KRT18: variants seen among roughly 807,000 people sequenced by gnomAD.
KRT18 encodes keratin 18.
Under a neutral mutation model 39.9 loss-of-function variants are expected in KRT18, and 8 were observed. The observed-to-expected ratio is 0.20, with a 90% CI of 0.12 to 0.36. The LOEUF (loss-of-function observed/expected upper bound fraction) is 0.36, where lower values mean the gene tolerates loss of function less well. Among genes scored for constraint, KRT18 ranks in the 10% least tolerant of loss-of-function variants. The pLI, the probability that KRT18 is intolerant of heterozygous loss-of-function variation, is 1.00. For synonymous variants in KRT18, 194 were observed against 227.8 expected (o/e 0.85, Z 1.33); for missense variants, 396 against 565.7 (o/e 0.70, Z 3.04).
rs199517515 is a variant in KRT18 at position 52,949,142 on chromosome 12, T to G, written c.-32T>G. ...GGCCGCCACCGTCGTCCGCAAAGCCTGAGTCCTGTCCTTTCTCTCTCCCCG... is the reference window on the plus strand; with the variant it reads ...GGCCGCCACCGTCGTCCGCAAAGCCGGAGTCCTGTCCTTTCTCTCTCCCCG... On this transcript the variant is annotated 5_prime_UTR_variant, in exon 1 of 7. Transcript: ENST00000388835. The G allele has an allele frequency of 6.2e-7, 1 of 1,600,748 alleles. No homozygotes were observed. Among genetic ancestry groups the G allele is most frequent in the Non-Finnish European group, 8.5e-7 (1 of 1,170,124 alleles).
In KRT18 at chr12:52,951,756, CCA is replaced by C. The variant is rs1197109911; in HGVS notation, c.853_854del (p.Gln285ValfsTer3). ...ATTGAGGAGAGCACCACAGTGGTCACCACACAGTCTGCTGAGGTTGGAGCTGC... is the reference window on the plus strand; with the variant it reads ...ATTGAGGAGAGCACCACAGTGGTCACCACAGTCTGCTGAGGTTGGAGCTGC... On this transcript the variant is annotated frameshift_variant, in exon 5 of 7. Coordinates refer to ENST00000388835, the MANE Select transcript of KRT18 (RefSeq NM_000224.3). LOFTEE classifies it high-confidence loss of function. 1.2e-6 allele frequency: 2 copies of C among 1,613,262 alleles called. No homozygotes were observed. The highest frequency in any genetic ancestry group is 1.3e-5 in the African/African-American group (1 of 74,894).
chr12:52,951,975 T>C (rs558903353), intron 5 of KRT18, 119 bp downstream of exon 5: 2 of 1,418,188 alleles, frequency 1.4e-6, no homozygotes, highest in Non-Finnish European at 2.0e-6. Context: ...AAGAGTCAGT[T>C]TCCTCTTTGC....
In KRT18 at chr12:52,952,339, TTAAG is replaced by T. The variant is rs1942506561; in HGVS notation, c.1171_1172+2del. 1 of 1,588,690 alleles carries T rather than the reference TTAAG, an allele frequency of 6.3e-7. No individual in the cohort carries two copies. The highest frequency in any genetic ancestry group is 8.6e-7 in the Non-Finnish European group (1 of 1,164,580). The stretch of plus-strand genomic sequence containing the variant: ...CGCCTGCTGGAAGATGGCGAGGACT[TTAAG>T]TGAGTGGGGCTCTCCTACCCACACG... On this transcript the variant is annotated splice_donor_variant and coding_sequence_variant, in exon 6 of 7. Transcript: ENST00000388835. LOFTEE classifies it high-confidence loss of function.
intron 1 of KRT18, 88 bp from the exon 2 acceptor site, chr12:52,950,240 A>G: frequency 1.0e-6 from 1 of 955,560 alleles, no homozygotes; most frequent in Non-Finnish European, 1.7e-6. Flanking sequence ...GGAAGTTTTC[A>G]CTAGGATACA....
rs553275094 is a variant in KRT18 at position 52,950,382 on chromosome 12, C to T, written c.472C>T (p.Arg158Cys). The part of the protein sequence containing the change: ...ARIVLQIDNA[R>C]LAADDFRVKY... ...CATCGTTCTGCAGATTGACAATGCC[C>T]GTCTTGCTGCTGATGACTTTAGAGT... is the stretch of plus-strand genomic sequence containing the variant. The change falls in exon 2 of 7, where the codon CGT becomes TGT. Residue 158 changes from arginine to cysteine, a missense_variant. Coordinates refer to ENST00000388835, the MANE Select transcript of KRT18 (RefSeq NM_000224.3). The T allele has an allele frequency of 5.0e-6, 8 of 1,613,000 alleles. No individual in the cohort carries two copies. The highest frequency in any genetic ancestry group is 4.5e-5 in the East Asian group (2 of 44,878).
intron 5 of KRT18, 46 bp from the exon 6 acceptor site, chr12:52,952,073 C>T (rs1942499877): frequency 6.8e-7 from 1 of 1,463,924 alleles, no homozygotes; most frequent in Non-Finnish European, 9.4e-7. Flanking sequence ...ATGAGCAGTC[C>T]TGGGACTCTG....
intron 1 of KRT18, chr12:52,949,993 G>A (rs1456536711): frequency 3.3e-6 from 2 of 610,948 alleles, no homozygotes; most frequent in East Asian, 5.5e-5. Context: ...CCAGGGTGTA[G>A]GGGGCCCAGA....
In KRT18 at chr12:52,951,468, CT is replaced by C. The variant is rs774400028; in HGVS notation, c.658-12del. ...CCCTGAACCCTCCTCACTTTTGCCC[CT>C]GTCACCTTTAGGAAGTAAAAGGCCT... On this transcript the variant is annotated splice_polypyrimidine_tract_variant and intron_variant, in intron 3 of 6. Coordinates refer to ENST00000388835, the MANE Select transcript of KRT18 (RefSeq NM_000224.3). 88 of 1,613,752 alleles carry C rather than the reference CT, an allele frequency of 5.5e-5. No homozygotes were observed. Among genetic ancestry groups the C allele is most frequent in the Admixed American group, 2.0e-4 (12 of 59,988 alleles).
chr12:52,950,195 T>G, intron 1 of KRT18, 133 bp from the exon 2 acceptor site: 1 of 771,036 alleles, frequency 1.3e-6, no homozygotes, highest in African/African-American at 1.7e-5. Context: ...AAGGGATAGG[T>G]GTCCAGGGAG....
chr12:52,952,586 TC>T, intron 6 of KRT18, 135 bp from the exon 7 acceptor site: 1 of 1,041,620 alleles, frequency 9.6e-7, no homozygotes, highest in Non-Finnish European at 1.5e-6. Context: ...GCCTTGAGTT[TC>T]CCTTTTCTGG....
At chr12:52,948,878 C>G (rs1335587809), upstream of KRT18, 8 of 424,656 alleles carry the variant, frequency 1.9e-5, no homozygotes, top group Non-Finnish European at 3.3e-5. Context: ...AAAGCAGCCT[C>G]GAGGGCCAAC....
Position 52,949,265 on chromosome 12 carries a change from G to T in KRT18, c.92G>T (p.Ser31Ile), listed in dbSNP as rs374064321. 9 of 1,611,096 alleles carry T rather than the reference G, an allele frequency of 5.6e-6. No homozygotes were observed. Among genetic ancestry groups the T allele is most frequent in the Admixed American group, 3.3e-5 (2 of 60,014 alleles). ...AGCTACGGCGCCCGGCCGGTCAGCA[G>T]CGCGGCCAGCGTCTATGCAGGCGCT... Reference protein sequence around the residue: ...APSYGARPVSSAASVYAGAGG... With the variant: ...APSYGARPVSIAASVYAGAGG... Residue 31 changes from serine to isoleucine, a missense_variant, in exon 1 of 7, where the codon AGC becomes ATC. Ser to Ile is a moderately radical substitution (Grantham distance 142). Coordinates refer to ENST00000388835, the MANE Select transcript of KRT18 (RefSeq NM_000224.3).
chr12:52,952,015 G>A, intron 5 of KRT18, 104 bp from the exon 6 acceptor site: 1 of 1,294,510 alleles, frequency 7.7e-7, no homozygotes, highest in African/African-American at 1.5e-5. Context: ...CCTTATCCCA[G>A]TACTTGGCAC....
chr12:52,950,634 T>G (rs1415908951), intron 2 of KRT18, 116 bp from the exon 3 acceptor site: 3 of 1,077,630 alleles, frequency 2.8e-6, no homozygotes, highest in Non-Finnish European at 4.2e-6. Flanking sequence ...ACCACCTAAT[T>G]GCTGACTCAA....
intron 1 of KRT18, 86 bp downstream of exon 1, chr12:52,949,676 C>A (rs747107527): frequency 4.3e-6 from 5 of 1,174,340 alleles, no homozygotes; most frequent in Admixed American, 4.0e-5. Context: ...ATTCCATAAC[C>A]ACCCAACCCC....
chr12:52,949,827 A>T, intron 1 of KRT18: 2 of 704,522 alleles, frequency 2.8e-6, no homozygotes, highest in Non-Finnish European at 5.2e-6. Flanking sequence ...AGCTTTACAG[A>T]GGAAGTGGAC....
At chr12:52,950,307 C>T in intron 1 of KRT18, 21 bp from the exon 2 acceptor site, 1 of 1,555,674 alleles carries the variant, frequency 6.4e-7, no homozygotes, top group South Asian at 1.1e-5. Flanking sequence ...ATGGAACAAC[C>T]TCTCTCTACA....
rs1443372676 is a variant in KRT18, at chr12:52,951,652, GA to G, written c.822+8del. Reference sequence around the variant, plus strand: ...CAAGTACTGGTCTCAGCAGGTGCGTGAGGGGAGGGGATGGCTGCCAAGGTGT... The same window carrying G: ...CAAGTACTGGTCTCAGCAGGTGCGTGGGGGAGGGGATGGCTGCCAAGGTGT... On this transcript the variant is annotated splice_region_variant and intron_variant, in intron 4 of 6. Transcript: ENST00000388835. The G allele has an allele frequency of 5.0e-6, 8 of 1,613,468 alleles. No homozygotes were observed. The highest frequency in any genetic ancestry group is 1.7e-5 in the Admixed American group (1 of 59,994).
intron 3 of KRT18, 87 bp downstream of exon 3, chr12:52,950,993 T>G: frequency 1.6e-6 from 2 of 1,282,688 alleles, no homozygotes; most frequent in Non-Finnish European, 2.2e-6. Context: ...CAACTGCAAG[T>G]AGCCTTGCTA....
Sources: allele counts gnomAD v4.1 joint callset, GRCh38; gene constraint gnomAD v4.1.1; transcripts MANE v1.5; gene names NCBI Gene and HGNC (gene_info 2026-07-23, HGNC 2026-07-21).